Variants in LMBR1 observed in about 807,000 individuals in gnomAD.
LMBR1 encodes the protein limb region 1 protein homolog.
In LMBR1, 52 loss-of-function variants were observed where a neutral mutation model predicts 73.9. That is an observed-to-expected ratio of 0.70 (90% CI 0.56 to 0.89). The LOEUF (loss-of-function observed/expected upper bound fraction) is 0.89. Among genes scored for constraint, LMBR1 ranks in the 40% least tolerant of loss-of-function variants. The probability of loss-of-function intolerance (pLI) is 0.00; values close to 1 mark genes in which losing one functional copy is unlikely to be tolerated. For synonymous variants in LMBR1, 215 were observed against 209.4 expected, an observed-to-expected ratio of 1.03 and a Z score of -0.23; for missense variants, 539 against 579.8, an observed-to-expected ratio of 0.93 and a Z score of 0.72.
chr7:156,787,777 TTTTTC>T (rs762002077), intron 5 of LMBR1, among the ~76,000 whole-genome samples: 1 of 152,224 alleles, frequency 6.6e-6, no homozygotes, highest in Non-Finnish European at 1.5e-5. Context: ...ACTGGATCTT[TTTTTC>T]TTTTATTTTT....
At chr7:156,821,847 T>C (rs1314418411) in intron 4 of LMBR1, among the ~76,000 whole-genome samples, 1 of 152,162 alleles carries the variant, frequency 6.6e-6, no homozygotes, top group Non-Finnish European at 1.5e-5. Context: ...ACGGAGATCA[T>C]ACATGGACCC....
intron 5 of LMBR1, chr7:156,779,679 T>C (rs1826776861): frequency 4.7e-6 from 6 of 1,285,958 alleles, no homozygotes; most frequent in Middle Eastern, 2.1e-4. Context: ...GAAGCTGTCA[T>C]GTTTCTATGG....
intron 4 of LMBR1, among the ~76,000 whole-genome samples, chr7:156,798,842 A>G (rs914308854): frequency 6.6e-6 from 1 of 152,182 alleles, no homozygotes; most frequent in Non-Finnish European, 1.5e-5. Context: ...TTCATTTTAC[A>G]CAAGATAGTT....
chr7:156,866,474 G>A (rs1337029134), intron 1 of LMBR1, among the ~76,000 whole-genome samples: 1 of 151,296 alleles, frequency 6.6e-6, no homozygotes, highest in Non-Finnish European at 1.5e-5. Flanking sequence ...TCTTGTGAGA[G>A]CGGCTTATCT....
chr7:156,675,795 C>A, downstream of LMBR1: 3 of 1,614,112 alleles, frequency 1.9e-6, no homozygotes, highest in East Asian at 6.7e-5. Context: ...TCGAAGTGTT[C>A]TTCAGCAGTT....
intron 9 of LMBR1, among the ~76,000 whole-genome samples, chr7:156,742,537 A>G (rs1052301581): frequency 1.3e-5 from 2 of 152,170 alleles, no homozygotes; most frequent in African/African-American, 4.8e-5. Context: ...TTCTAGACAC[A>G]TACAACCTAC....
At chr7:156,803,798 G>A (rs913335943) in intron 4 of LMBR1, among the ~76,000 whole-genome samples, 4 of 151,886 alleles carry the variant, frequency 2.6e-5, no homozygotes, top group African/African-American at 9.7e-5. Flanking sequence ...ATACACCATG[G>A]AATACTATGC....
At chr7:156,689,850 T>C (rs146827992) in intron 15 of LMBR1, among the ~76,000 whole-genome samples, 2 of 152,220 alleles carry the variant, frequency 1.3e-5, no homozygotes, top group Admixed American at 1.3e-4. Flanking sequence ...TTATAAGTTT[T>C]ATTTTTCAAA....
At chr7:156,752,278 C>T (rs548455257) in intron 9 of LMBR1, among the ~76,000 whole-genome samples, 4 of 152,306 alleles carry the variant, frequency 2.6e-5, no homozygotes, top group Non-Finnish European at 5.9e-5. Context: ...CTCTTGTGAG[C>T]TTTGCCATAA....
At chr7:156,879,589 G>A (rs1244452703) in intron 1 of LMBR1, among the ~76,000 whole-genome samples, 1 of 150,178 alleles carries the variant, frequency 6.7e-6, no homozygotes, top group African/African-American at 2.5e-5. Flanking sequence ...GCGTGAACCC[G>A]AGAGGTGGAG....
intron 1 of LMBR1, among the ~76,000 whole-genome samples, chr7:156,874,168 C>T (rs1284085075): frequency 2.0e-5 from 3 of 152,242 alleles, no homozygotes; most frequent in Non-Finnish European, 2.9e-5. Context: ...CAGCTAAGGC[C>T]GGACAAGAAA....
intron 4 of LMBR1, among the ~76,000 whole-genome samples, chr7:156,807,437 T>C (rs1409175645): frequency 6.6e-6 from 1 of 152,258 alleles, no homozygotes; most frequent in East Asian, 1.9e-4. Context: ...AGGAAATTTG[T>C]CCATTTCTCT....
Position 156,762,137 on chromosome 7 carries a change from T to C in LMBR1, c.681A>G (p.Pro227=). 1 of 1,585,060 alleles carries C rather than the reference T, an allele frequency of 6.3e-7. No individual in the cohort carries two copies. Among genetic ancestry groups the C allele is most frequent in the Non-Finnish European group, 8.7e-7 (1 of 1,153,632 alleles). The change falls in exon 8 of 17, where the codon CCA becomes CCG. Residue 227 remains proline, a synonymous_variant. Coordinates refer to ENST00000353442, the MANE Select transcript of LMBR1 (RefSeq NM_022458.4). ...TGATTTATAATTAAATACTTACTGT[T>C]GGCTTCACTAGCAACTGACCCATCA... ...FTVMGQLLVK[P]TILEDLDEQI... is the part of the protein sequence containing the mutation.
At chr7:156,848,787 T>G (rs1309554450) in intron 1 of LMBR1, among the ~76,000 whole-genome samples, 2 of 151,930 alleles carry the variant, frequency 1.3e-5, no homozygotes, top group African/African-American at 4.8e-5. Context: ...AAAGATTAGC[T>G]GGCTGTGGTG....
intron 1 of LMBR1, among the ~76,000 whole-genome samples, chr7:156,873,256 G>C (rs1051465664): frequency 1.3e-5 from 2 of 151,838 alleles, no homozygotes; most frequent in African/African-American, 4.8e-5. Flanking sequence ...AGACCTTCGC[G>C]GTGAGTGTTA....
chr7:156,872,463 C>T (rs1046474257), intron 1 of LMBR1, among the ~76,000 whole-genome samples: 4 of 151,914 alleles, frequency 2.6e-5, no homozygotes, highest in Admixed American at 6.6e-5. Flanking sequence ...CCCAGACCAA[C>T]GTGGAGAAAC....
intron 9 of LMBR1, among the ~76,000 whole-genome samples, chr7:156,743,576 T>A (rs879786626): frequency 6.6e-6 from 1 of 152,204 alleles, no homozygotes; most frequent in Non-Finnish European, 1.5e-5. Context: ...CATCCTCAAG[T>A]TGACAGGAAG....
intron 15 of LMBR1, among the ~76,000 whole-genome samples, chr7:156,700,041 G>T (rs1292170903): frequency 6.6e-6 from 1 of 152,168 alleles, no homozygotes; most frequent in Non-Finnish European, 1.5e-5. Flanking sequence ...TCCCATTACT[G>T]GGTATATACT....
At chr7:156,723,074 G>A (rs1272668421) in intron 15 of LMBR1, among the ~76,000 whole-genome samples, 1 of 152,050 alleles carries the variant, frequency 6.6e-6, no homozygotes, top group Admixed American at 6.6e-5. Context: ...GTCCTATAAA[G>A]CAAACACAAA....
Sources: gnomAD v4.1 joint callset for allele counts (sites outside exome capture counted in the v4.1 genomes callset) on GRCh38, gnomAD v4.1.1 for gene constraint, MANE v1.5 for transcripts, NCBI Gene and HGNC (gene_info 2026-07-23, HGNC 2026-07-21) for gene names.